Variants in TRMT10B observed in about 807,000 individuals in gnomAD.
The protein encoded by TRMT10B is tRNA methyltransferase 10 homolog B.
TRMT10B carries 33 observed loss-of-function variants against 43.8 expected under a neutral mutation model. The ratio of observed to expected loss-of-function variants is 0.75; its 90% confidence interval spans 0.57 to 1.01. TRMT10B has a LOEUF of 1.01. Ranked by LOEUF, TRMT10B falls within the 50% of genes least tolerant of loss-of-function variation. The pLI, the probability that TRMT10B is intolerant of heterozygous loss-of-function variation, is 0.00. For missense variants in TRMT10B, 362 were observed against 369.8 expected (o/e 0.98, Z 0.17); for synonymous variants, 137 against 130.6 (o/e 1.05, Z -0.34).
Position 37,768,226 on chromosome 9 carries a change from C to G in TRMT10B, c.571C>G (p.Leu191Val), listed in dbSNP as rs377171696. 1.1e-5 allele frequency: 18 copies of G among 1,610,414 alleles called. No homozygotes were observed. Among genetic ancestry groups the G allele is most frequent in the Non-Finnish European group, 1.4e-5 (16 of 1,177,778 alleles). ...GATGAATGATGGATTTTCTAGTTAC[C>G]TGGTAAGTCTCTTTTTGCATATTAT... The part of the protein sequence containing the change: ...VRMNDGFSSY[L>V]LDITEEDCFS... The change falls in exon 5 of 9, where the codon CTG becomes GTG. Residue 191 changes from leucine (L) to valine (V), a missense_variant and splice_region_variant. Transcript: ENST00000297994.
In TRMT10B at chr9:37,778,014, AT is replaced by A. The variant is rs1463975927; in HGVS notation, c.*308del. The A allele has an allele frequency of 4.7e-6, 1 of 212,764 alleles. No individual in the cohort carries two copies. The highest frequency in any genetic ancestry group is 1.2e-4 in the East Asian group (1 of 8,020). The allele number at this position is 212,764 out of a possible 1,614,324, so 13.2% of individuals were successfully genotyped here. A position where few individuals can be genotyped will look rare whatever the true frequency, so the allele number is the denominator to read the frequency against. ...AGCAAGACTCCATCTCAAAAAAAAA[AT>A]AAATAAAAAAAAATGCAGCTGCAGG... is the stretch of plus-strand genomic sequence containing the variant. On this transcript the variant is annotated 3_prime_UTR_variant, in exon 9 of 9. Transcript: ENST00000297994.
At chr9:37,758,060 CAT>C (rs760554139) in intron 1 of TRMT10B, among the ~76,000 whole-genome samples, 15 of 152,144 alleles carry the variant, frequency 9.9e-5, no homozygotes, top group Non-Finnish European at 1.9e-4. Context: ...GAAAAGAAAA[CAT>C]AATTCTAGGA....
At chr9:37,765,930 G>GT (rs36167672) in intron 4 of TRMT10B, among the ~76,000 whole-genome samples, 119,217 of 143,294 alleles carry the variant, frequency 0.83, 49,863 homozygotes, top group Non-Finnish European at 0.88. Flanking sequence ...TTTTTGATGG[G>GT]TTTTTTTTTT....
intron 3 of TRMT10B, among the ~76,000 whole-genome samples, chr9:37,762,993 A>T (rs1019459104): frequency 6.9e-6 from 1 of 144,842 alleles, no homozygotes; most frequent in Non-Finnish European, 1.5e-5. Context: ...AAAAAAAAAA[A>T]AGCCGGGTGT....
intron 4 of TRMT10B, chr9:37,766,952 G>C (rs929497116): frequency 1.3e-5 from 2 of 152,194 alleles, no homozygotes; most frequent in Non-Finnish European, 2.9e-5. Context: ...AAAGCTAGGA[G>C]ACCTTATCTA....
At chr9:37,769,308 TAAAAAAAAAAAA>T (rs57651814) in intron 5 of TRMT10B, among the ~76,000 whole-genome samples, 1,371 of 60,774 alleles carry the variant, frequency 0.023, 28 homozygotes, top group Non-Finnish European at 0.027. Context: ...ACCCTGTCTT[TAAAAAAAAAAAA>T]AAAAAAAAAA....
rs372934110 is a variant in TRMT10B at position 37,777,585 on chromosome 9, G to C, written c.845-16G>C. On this transcript the variant is annotated splice_polypyrimidine_tract_variant and intron_variant, in intron 8 of 8. Transcript: ENST00000297994. Reference sequence around the variant, plus strand: ...TCCCTCTGTGGTCACTGTGTTTTCTGTTTACTCTCTAACAGTGTTTGATAT... The same window carrying C: ...TCCCTCTGTGGTCACTGTGTTTTCTCTTTACTCTCTAACAGTGTTTGATAT... The C allele has an allele frequency of 1.3e-5, 21 of 1,593,992 alleles. No individual in the cohort carries two copies. The highest frequency in any genetic ancestry group is 6.7e-5 in the Admixed American group (4 of 59,540).
At chr9:37,770,601 TCATTTTG>T (rs2118875836) in intron 6 of TRMT10B, 64 bp from the exon 7 acceptor site, 2 of 1,354,654 alleles carry the variant, frequency 1.5e-6, no homozygotes, top group South Asian at 2.5e-5. Flanking sequence ...AATAATTCTT[TCATTTTG>T]CTTTCTCTGG....
chr9:37,777,778 G>C lies in TRMT10B; in HGVS notation c.*71G>C. On this transcript the variant is annotated 3_prime_UTR_variant, in exon 9 of 9. Transcript: ENST00000297994. ...GCCAACACTTTGGTAGACCGAAGTG[G>C]GCAGATCACCTGAGGTCAGGAGTTC... 7.9e-7 allele frequency: 1 copy of C among 1,265,520 alleles called. No homozygotes were observed. The highest frequency in any genetic ancestry group is 1.2e-6 in the Non-Finnish European group (1 of 869,510). The allele number at this position is 1,265,520 out of a possible 1,614,324, so 78.4% of individuals were successfully genotyped here.
chr9:37,770,726 A>T lies in TRMT10B; in HGVS notation c.707A>T (p.Glu236Val). 1 of 1,613,928 alleles carries T rather than the reference A, an allele frequency of 6.2e-7. No homozygotes were observed. Among genetic ancestry groups the T allele is most frequent in the Non-Finnish European group, 8.5e-7 (1 of 1,180,010 alleles). ...KVYILGGLVDESIQKKVTFQK... is the reference protein window; with the variant it reads ...KVYILGGLVDVSIQKKVTFQK... ...TACATCCTCGGTGGGCTTGTGGATG[A>T]AAGCATTCAGAAGGTAAGTATACAT... is the stretch of plus-strand genomic sequence containing the variant. The change falls in exon 7 of 9, where the codon GAA becomes GTA. Residue 236 changes from glutamate (E) to valine (V), a missense_variant. By Grantham distance (121) the Glu-to-Val change is moderately radical. Coordinates refer to ENST00000297994, the MANE Select transcript of TRMT10B (RefSeq NM_144964.4).
chr9:37,762,852 G>A (rs1323652957), intron 3 of TRMT10B, among the ~76,000 whole-genome samples, 167 bp downstream of exon 3: 7 of 151,960 alleles, frequency 4.6e-5, no homozygotes, highest in Non-Finnish European at 1.0e-4. Context: ...AAAATTTGTA[G>A]CTGGGTGTGG....
chr9:37,755,354 C>A (rs893241268), intron 1 of TRMT10B, among the ~76,000 whole-genome samples: 1 of 148,400 alleles, frequency 6.7e-6, no homozygotes, highest in African/African-American at 2.5e-5. Context: ...TGGTGGCACA[C>A]AATGTGGATG....
chr9:37,769,713 T>A, intron 5 of TRMT10B: 1 of 411,728 alleles, frequency 2.4e-6, no homozygotes, highest in African/African-American at 2.1e-5. Context: ...TCCTGCCACC[T>A]CACTCCTAAG....
intron 4 of TRMT10B, among the ~76,000 whole-genome samples, chr9:37,764,711 A>C (rs978476715): frequency 2.0e-5 from 3 of 152,132 alleles, no homozygotes; most frequent in African/African-American, 7.2e-5. Context: ...GGCGTGAGCT[A>C]CTGTGCCTGG....
intron 1 of TRMT10B, among the ~76,000 whole-genome samples, chr9:37,757,670 T>C (rs148732515): frequency 7.8e-4 from 119 of 152,318 alleles, no homozygotes; most frequent in African/African-American, 2.7e-3. Flanking sequence ...ATTTACCTTC[T>C]AATAGCAACT....
At chr9:37,761,102 C>T (rs988808838) in intron 1 of TRMT10B, among the ~76,000 whole-genome samples, 3 of 152,112 alleles carry the variant, frequency 2.0e-5, no homozygotes, top group Admixed American at 2.0e-4. Flanking sequence ...TACCAACAAC[C>T]TAAAAGAATT....
In TRMT10B at chr9:37,777,611, C is replaced by G; in HGVS notation, c.855C>G (p.Ile285Met). 6.2e-7 allele frequency: 1 copy of G among 1,613,098 alleles called. No individual in the cohort carries two copies. The highest frequency in any genetic ancestry group is 8.5e-7 in the Non-Finnish European group (1 of 1,179,206). Reference sequence around the variant, plus strand: ...TTTACTCTCTAACAGTGTTTGATATCCTGTCCACTTACTTAGAGACTCACA... The same window carrying G: ...TTTACTCTCTAACAGTGTTTGATATGCTGTCCACTTACTTAGAGACTCACA... ...EILAINQVFD[I>M]LSTYLETHNW... is the part of the protein sequence containing the mutation. Residue 285 changes from isoleucine to methionine, a missense_variant, in exon 9 of 9, where the codon ATC (isoleucine) becomes ATG (methionine). Physicochemically the swap from Ile to Met is conservative, Grantham distance 10. Coordinates refer to ENST00000297994, the MANE Select transcript of TRMT10B (RefSeq NM_144964.4).
At chr9:37,760,036 AAAT>A (rs1420572891) in intron 1 of TRMT10B, among the ~76,000 whole-genome samples, 1 of 152,134 alleles carries the variant, frequency 6.6e-6, no homozygotes, top group Non-Finnish European at 1.5e-5. Flanking sequence ...GAAGAATTAA[AAAT>A]AATAGGCCAG....
At chr9:37,766,319 C>T (rs1383209221) in intron 4 of TRMT10B, among the ~76,000 whole-genome samples, 2 of 152,122 alleles carry the variant, frequency 1.3e-5, no homozygotes, top group Non-Finnish European at 2.9e-5. Flanking sequence ...TTCCCAGCAC[C>T]ATTTATTAAA....
Sources: allele counts gnomAD v4.1 joint callset (sites outside exome capture counted in the v4.1 genomes callset), GRCh38; gene constraint gnomAD v4.1.1; transcripts MANE v1.5; gene names NCBI Gene and HGNC (gene_info 2026-07-23, HGNC 2026-07-21).